The following NAV2 variants were observed in gnomAD, a reference collection of about 807,000 sequenced individuals.
The protein encoded by NAV2 is helicase, APC down-regulated 1.
A neutral mutation model predicts 223.2 loss-of-function variants in NAV2; 54 were observed. The ratio of observed to expected loss-of-function variants is 0.24; its 90% CI spans 0.19 to 0.30. NAV2 has a LOEUF of 0.30. Among genes scored for constraint, NAV2 ranks in the 10% least tolerant of loss-of-function variants. The probability of loss-of-function intolerance (pLI) is 1.00; values close to 1 mark genes in which losing one functional copy is unlikely to be tolerated. For synonymous variants in NAV2, 1,279 were observed against 1,239.3 expected (o/e 1.03, Z -0.67); for missense variants, 2,806 against 3,147.5 (o/e 0.89, Z 2.60).
chr11:19,606,679 C>A (rs1352570650), intron 1 of NAV2, among the ~76,000 whole-genome samples: 1 of 152,214 alleles, frequency 6.6e-6, no homozygotes, highest in Non-Finnish European at 1.5e-5. Flanking sequence ...CCTCAAAGGT[C>A]ACTTGGAAGT....
intron 1 of NAV2, among the ~76,000 whole-genome samples, chr11:19,481,029 C>T (rs1467055554): frequency 1.3e-5 from 2 of 152,186 alleles, no homozygotes; most frequent in African/African-American, 4.8e-5. Context: ...CCATAAGGAT[C>T]CGTAGCACCT....
intron 1 of NAV2, among the ~76,000 whole-genome samples, chr11:19,407,195 G>A (rs551199879): frequency 2.0e-4 from 31 of 152,250 alleles, no homozygotes; most frequent in African/African-American, 5.1e-4. Flanking sequence ...CATCTACTCC[G>A]TTTCAGGCAT....
At chr11:19,433,398 C>T (rs763456624) in intron 1 of NAV2, among the ~76,000 whole-genome samples, 3 of 152,154 alleles carry the variant, frequency 2.0e-5, no homozygotes, top group Non-Finnish European at 4.4e-5. Flanking sequence ...AGGTAAAGCC[C>T]AAGGTGCCCC....
intron 3 of NAV2, among the ~76,000 whole-genome samples, chr11:19,863,311 C>T (rs1265050691): frequency 2.0e-5 from 3 of 152,182 alleles, no homozygotes; most frequent in Non-Finnish European, 2.9e-5. Flanking sequence ...CTCTCATTGC[C>T]CTTCTCCCTT....
chr11:19,679,335 G>A (rs1024866795), intron 1 of NAV2, among the ~76,000 whole-genome samples: 8 of 149,772 alleles, frequency 5.3e-5, no homozygotes, highest in African/African-American at 1.9e-4. Context: ...GGAGGCTGAG[G>A]CAGGAGAATC....
chr11:19,524,461 C>A (rs1352016540), intron 1 of NAV2, among the ~76,000 whole-genome samples: 3 of 152,204 alleles, frequency 2.0e-5, no homozygotes, highest in Non-Finnish European at 4.4e-5. Context: ...AACAGCAGAG[C>A]CTAATGACAG....
chr11:19,480,649 A>C (rs1164966948), intron 1 of NAV2, among the ~76,000 whole-genome samples: 1 of 152,246 alleles, frequency 6.6e-6, no homozygotes, highest in African/African-American at 2.4e-5. Flanking sequence ...AGTTTTAATC[A>C]GCATCATCTG....
chr11:19,560,719 T>C (rs1237555580), intron 1 of NAV2, among the ~76,000 whole-genome samples: 4 of 152,242 alleles, frequency 2.6e-5, no homozygotes, highest in African/African-American at 9.6e-5. Flanking sequence ...ACTCCATCTT[T>C]CTGAGTGTCT....
chr11:19,479,684 C>T (rs1364176897), intron 1 of NAV2, among the ~76,000 whole-genome samples: 1 of 152,154 alleles, frequency 6.6e-6, no homozygotes, highest in Non-Finnish European at 1.5e-5. Flanking sequence ...TCATCAAATA[C>T]TGTAATCAGC....
intron 8 of NAV2, 137 bp downstream of exon 8, chr11:19,939,910 T>TA: frequency 2.6e-6 from 1 of 385,706 alleles, no homozygotes. Context: ...AAACTTTCTT[T>TA]CTTTTTTTTT....
chr11:19,648,084 C>A (rs904087017), intron 1 of NAV2, among the ~76,000 whole-genome samples: 1 of 152,130 alleles, frequency 6.6e-6, no homozygotes, highest in Non-Finnish European at 1.5e-5. Flanking sequence ...CAAGAGCCAG[C>A]TGTTAATTTT....
At chr11:19,950,891 G>T (rs1463846165) in intron 10 of NAV2, among the ~76,000 whole-genome samples, 1 of 151,816 alleles carries the variant, frequency 6.6e-6, no homozygotes, top group Non-Finnish European at 1.5e-5. Context: ...AATATGATTG[G>T]GCAAAAAAGG....
At chr11:19,383,715 G>A (rs1031109372) in intron 1 of NAV2, among the ~76,000 whole-genome samples, 4 of 152,228 alleles carry the variant, frequency 2.6e-5, no homozygotes, top group Admixed American at 1.3e-4. Flanking sequence ...TACCCTTGCT[G>A]GTATTGCAAC....
chr11:19,409,485 G>A (rs565712509), intron 1 of NAV2, among the ~76,000 whole-genome samples: 1 of 152,272 alleles, frequency 6.6e-6, no homozygotes, highest in Admixed American at 6.5e-5. Flanking sequence ...GATTTAGATA[G>A]CTCTTGGCTG....
chr11:20,084,801 A>G (rs1299349803), intron 26 of NAV2, among the ~76,000 whole-genome samples: 1 of 152,142 alleles, frequency 6.6e-6, no homozygotes, highest in African/African-American at 2.4e-5. Flanking sequence ...AGAAAAAGGA[A>G]CTCATCATGT....
At chr11:19,872,124 G>C (rs528049541) in intron 4 of NAV2, among the ~76,000 whole-genome samples, 66 of 152,244 alleles carry the variant, frequency 4.3e-4, no homozygotes, top group African/African-American at 1.5e-3. Context: ...AAAAGCAAGG[G>C]TACTTACAGC....
intron 1 of NAV2, among the ~76,000 whole-genome samples, chr11:19,356,822 A>G (rs939152298): frequency 2.6e-5 from 4 of 152,134 alleles, no homozygotes; most frequent in African/African-American, 9.7e-5. Context: ...GAATGCTGAT[A>G]TTTTTTATTT....
intron 1 of NAV2, among the ~76,000 whole-genome samples, chr11:19,625,842 G>T (rs998613752): frequency 2.6e-5 from 4 of 151,852 alleles, no homozygotes; most frequent in African/African-American, 9.7e-5. Context: ...GGCCATTTGT[G>T]TATCTTCTTT....
At chr11:19,603,468 T>A (rs73422280) in intron 1 of NAV2, among the ~76,000 whole-genome samples, 9,924 of 150,944 alleles carry the variant, frequency 0.066, 778 homozygotes, top group African/African-American at 0.18. Context: ...TCTACTAAAC[T>A]TACAAAAAAT....
Sources: allele counts gnomAD v4.1 joint callset (sites outside exome capture counted in the v4.1 genomes callset), GRCh38; gene constraint gnomAD v4.1.1; transcripts MANE v1.5; gene names NCBI Gene and HGNC (gene_info 2026-07-23, HGNC 2026-07-21).